Variants in DAAM1 observed in about 807,000 individuals in gnomAD.
DAAM1 encodes the protein dishevelled associated activator of morphogenesis 1.
DAAM1 carries 52 observed loss-of-function variants against 130.0 expected under a neutral mutation model. That is an observed-to-expected ratio of 0.40 (90% CI 0.32 to 0.50). The LOEUF (loss-of-function observed/expected upper bound fraction) is 0.50, where lower values mean the gene tolerates loss of function less well. Ranked by LOEUF, DAAM1 falls within the 20% of genes least tolerant of loss-of-function variation. The pLI is 0.61. For synonymous variants in DAAM1, 452 were observed against 444.5 expected (o/e 1.02, Z -0.21); for missense variants, 1,134 against 1,303.8 (o/e 0.87, Z 2.01).
chr14:59,259,986 G>A (rs1019578316), intron 1 of DAAM1, among the ~76,000 whole-genome samples: 2 of 152,188 alleles, frequency 1.3e-5, no homozygotes, highest in African/African-American at 4.8e-5. Context: ...GGAGCTTGCA[G>A]TGAGCTGAGA....
chr14:59,357,850 C>T (rs1886545266), intron 20 of DAAM1, among the ~76,000 whole-genome samples: 1 of 151,924 alleles, frequency 6.6e-6, no homozygotes, highest in African/African-American at 2.4e-5. Context: ...AAATTGTTGG[C>T]CACTGTTTTG....
At chr14:59,269,037 C>T (rs1449557927) in intron 2 of DAAM1, among the ~76,000 whole-genome samples, 1 of 152,140 alleles carries the variant, frequency 6.6e-6, no homozygotes, top group Non-Finnish European at 1.5e-5. Context: ...AGTCATTAAT[C>T]GACTGATGGT....
intron 20 of DAAM1, among the ~76,000 whole-genome samples, chr14:59,356,052 G>A (rs1886467822): frequency 6.6e-6 from 1 of 152,186 alleles, no homozygotes; most frequent in Admixed American, 6.5e-5. Flanking sequence ...ACGTTCTTGT[G>A]TCATTAACAG....
At chr14:59,344,895 C>T (rs1474275934) in intron 16 of DAAM1, among the ~76,000 whole-genome samples, 1 of 152,092 alleles carries the variant, frequency 6.6e-6, no homozygotes, top group East Asian at 1.9e-4. Flanking sequence ...AAGGACTCAG[C>T]AGAACTACAC....
intron 3 of DAAM1, among the ~76,000 whole-genome samples, chr14:59,294,501 A>G (rs965511009): frequency 6.6e-6 from 1 of 152,194 alleles, no homozygotes; most frequent in Non-Finnish European, 1.5e-5. Flanking sequence ...AAGTCCAAAC[A>G]AATCTAAAAC....
At chr14:59,249,103 ACTT>A (rs1482438055) in intron 1 of DAAM1, among the ~76,000 whole-genome samples, 2 of 152,106 alleles carry the variant, frequency 1.3e-5, no homozygotes, top group African/African-American at 4.8e-5. Flanking sequence ...TCAGTTTTGT[ACTT>A]CTTCAAGGCT....
intron 15 of DAAM1, 86 bp from the exon 16 acceptor site, chr14:59,339,988 A>G (rs899000344): frequency 1.7e-6 from 2 of 1,183,008 alleles, no homozygotes; most frequent in Admixed American, 3.5e-5. Context: ...GTATGTGTAT[A>G]TGAACAACAA....
At chr14:59,225,315 C>A (rs554111201) in intron 1 of DAAM1, among the ~76,000 whole-genome samples, 1 of 152,088 alleles carries the variant, frequency 6.6e-6, no homozygotes, top group African/African-American at 2.4e-5. Flanking sequence ...CATAAGCCAC[C>A]GTGCCCAACC....
At chr14:59,278,001 T>C (rs1331661333) in intron 2 of DAAM1, among the ~76,000 whole-genome samples, 2 of 152,180 alleles carry the variant, frequency 1.3e-5, no homozygotes, top group Non-Finnish European at 2.9e-5. Context: ...TACATATATA[T>C]CTATGTTAAA....
At chr14:59,211,801 A>G (rs1201055408) in intron 1 of DAAM1, among the ~76,000 whole-genome samples, 1 of 152,158 alleles carries the variant, frequency 6.6e-6, no homozygotes, top group Non-Finnish European at 1.5e-5. Context: ...CTTGTGAACA[A>G]TCTTTAATAT....
intron 15 of DAAM1, among the ~76,000 whole-genome samples, chr14:59,335,228 GA>G (rs1223893119): frequency 6.6e-6 from 1 of 152,032 alleles, no homozygotes; most frequent in East Asian, 1.9e-4. Flanking sequence ...CTCCTATTCA[GA>G]ATTTTTTTTC....
chr14:59,258,262 C>T (rs972624681), intron 1 of DAAM1, among the ~76,000 whole-genome samples: 3 of 152,262 alleles, frequency 2.0e-5, no homozygotes, highest in South Asian at 2.1e-4. Flanking sequence ...TGGGCTTCTC[C>T]GCATAAACAT....
At chr14:59,269,173 A>AT (rs1882597097) in intron 2 of DAAM1, among the ~76,000 whole-genome samples, 1 of 152,246 alleles carries the variant, frequency 6.6e-6, no homozygotes, top group Non-Finnish European at 1.5e-5. Flanking sequence ...AAGACAGGCA[A>AT]CTAAATGTGC....
chr14:59,301,205 T>C (rs749278492), intron 3 of DAAM1, among the ~76,000 whole-genome samples: 10 of 152,206 alleles, frequency 6.6e-5, no homozygotes, highest in Admixed American at 1.3e-4. Flanking sequence ...ACAAATCAAA[T>C]TGATGTAAAA....
chr14:59,344,615 G>C (rs1030789545), intron 16 of DAAM1, among the ~76,000 whole-genome samples: 6 of 152,176 alleles, frequency 3.9e-5, no homozygotes, highest in African/African-American at 1.4e-4. Context: ...CGCGTGCATA[G>C]CATTATGTTG....
rs1885184323 is a variant in DAAM1, at chr14:59,325,863, G to A, written c.1057-97G>A. 3 of 1,517,954 alleles carry A rather than the reference G, an allele frequency of 2.0e-6. No individual in the cohort carries two copies. In the African/African-American group the frequency reaches 4.1e-5, roughly 21 times the overall value. 94.0% of individuals were successfully genotyped at this position (1,517,954 alleles called of 1,614,324 possible). ...CTCAAAGCTCTATTTTGTTTCCTAA[G>A]TGGCAGGATTAGCTTCTGTTTGCTT... On this transcript the variant is annotated intron_variant, in intron 9 of 24. Coordinates refer to ENST00000360909, the MANE Select transcript of DAAM1 (RefSeq NM_001270520.2).
intron 1 of DAAM1, among the ~76,000 whole-genome samples, chr14:59,209,876 G>A (rs979760485): frequency 6.6e-6 from 1 of 152,068 alleles, no homozygotes; most frequent in African/African-American, 2.4e-5. Flanking sequence ...CAACACTTTG[G>A]GAGGCCAAGG....
chr14:59,291,415 T>C, intron 3 of DAAM1, 109 bp downstream of exon 3: 3 of 861,862 alleles, frequency 3.5e-6, no homozygotes, highest in South Asian at 1.8e-5. Context: ...GAAAACCAGA[T>C]TGAATGTGTT....
At chr14:59,317,934 GCTT>G (rs1410058459) in intron 4 of DAAM1, among the ~76,000 whole-genome samples, 6 of 152,164 alleles carry the variant, frequency 3.9e-5, no homozygotes, top group Non-Finnish European at 7.3e-5. Flanking sequence ...GATGGGATAG[GCTT>G]CTGTTTTCTT....
Sources: gnomAD v4.1 joint callset for allele counts (sites outside exome capture counted in the v4.1 genomes callset) on GRCh38, gnomAD v4.1.1 for gene constraint, MANE v1.5 for transcripts, NCBI Gene and HGNC (gene_info 2026-07-23, HGNC 2026-07-21) for gene names.